The following DENND5B variants were observed in gnomAD, a reference collection of about 807,000 sequenced individuals.
The protein encoded by DENND5B is DENN domain-containing protein 5B.
In DENND5B, 34 loss-of-function variants were observed where a neutral mutation model predicts 140.6. The observed-to-expected ratio is 0.24, with a 90% confidence interval of 0.18 to 0.32. The LOEUF is 0.32. Ranked by LOEUF, DENND5B falls within the 10% of genes least tolerant of loss-of-function variation. DENND5B has a pLI of 1.00. For synonymous variants in DENND5B, 551 were observed against 562.1 expected (o/e 0.98, Z 0.28); for missense variants, 1,142 against 1,560.2 (o/e 0.73, Z 4.52).
At chr12:31,450,648 C>T (rs1944472080) in intron 5 of DENND5B, among the ~76,000 whole-genome samples, 1 of 152,146 alleles carries the variant, frequency 6.6e-6, no homozygotes, top group Admixed American at 6.6e-5. Context: ...AGCCACCATG[C>T]CCAGCCACTA....
chr12:31,514,975 T>A (rs573690594), intron 1 of DENND5B, among the ~76,000 whole-genome samples: 3 of 152,180 alleles, frequency 2.0e-5, no homozygotes, highest in East Asian at 1.9e-4. Context: ...AATTTTTTTT[T>A]AATTAGGCAT....
At chr12:31,589,919 C>G (rs1950545140) in intron 1 of DENND5B, 1 of 152,464 alleles carries the variant, frequency 6.6e-6, no homozygotes, top group Non-Finnish European at 1.5e-5. Context: ...CCCAGCACAG[C>G]CCCGCACTGC....
chr12:31,493,774 T>C (rs897021190), intron 2 of DENND5B, among the ~76,000 whole-genome samples: 3 of 152,156 alleles, frequency 2.0e-5, no homozygotes, highest in African/African-American at 7.2e-5. Flanking sequence ...GAGGTTGCAG[T>C]GAGCCAAGAT....
intron 1 of DENND5B, among the ~76,000 whole-genome samples, chr12:31,547,193 G>A (rs914611622): frequency 6.6e-6 from 1 of 152,014 alleles, no homozygotes; most frequent in African/African-American, 2.4e-5. Context: ...CATACACATT[G>A]TTAAACATAT....
chr12:31,486,279 CCT>C (rs1205536113), intron 2 of DENND5B, among the ~76,000 whole-genome samples: 2 of 152,200 alleles, frequency 1.3e-5, no homozygotes, highest in African/African-American at 4.8e-5. Flanking sequence ...CAACATTTGT[CCT>C]CTCTGGAGTA....
intron 2 of DENND5B, among the ~76,000 whole-genome samples, chr12:31,493,922 T>A (rs1419139327): frequency 6.6e-6 from 1 of 152,196 alleles, no homozygotes; most frequent in Non-Finnish European, 1.5e-5. Flanking sequence ...GTATCTTTTT[T>A]ATTTTTTTCC....
intron 3 of DENND5B, 109 bp downstream of exon 3, chr12:31,479,480 G>T: frequency 9.0e-7 from 1 of 1,110,226 alleles, no homozygotes; most frequent in Non-Finnish European, 1.2e-6. Flanking sequence ...ACACAAAACA[G>T]AAAAGACTGT....
At chr12:31,524,041 CTTTTTTTTTTTT>C (rs148193944) in intron 1 of DENND5B, among the ~76,000 whole-genome samples, 9 of 121,548 alleles carry the variant, frequency 7.4e-5, no homozygotes, top group Middle Eastern at 4.4e-3. Context: ...CTACTGAGCC[CTTTTTTTTTTTT>C]TTTTTTTTTT....
In DENND5B at chr12:31,591,021, G is replaced by T; in HGVS notation, c.-189C>A. On this transcript the variant is annotated 5_prime_UTR_variant, in exon 1 of 21. Transcript: ENST00000389082. ...CTCGGCGCGGGGGAAGCGGCCGCGG[G>T]CTCGCGCGCGGCGGGTCCGGAGCCC... The T allele has an allele frequency of 1.9e-6, 1 of 536,644 alleles. No homozygotes were observed. Among genetic ancestry groups the T allele is most frequent in the Non-Finnish European group, 2.4e-6 (1 of 418,692 alleles). The allele number at this position is 536,644 out of a possible 1,614,324, so 33.2% of individuals were successfully genotyped here.
intron 2 of DENND5B, among the ~76,000 whole-genome samples, chr12:31,487,995 G>A (rs573072198): frequency 1.4e-4 from 21 of 151,994 alleles, no homozygotes; most frequent in Admixed American, 2.6e-4. Context: ...TCACTCTGTC[G>A]CCCAGTCTGG....
chr12:31,388,616 AAAC>A (rs144705063), intron 20 of DENND5B, among the ~76,000 whole-genome samples: 3,373 of 152,246 alleles, frequency 0.022, 132 homozygotes, highest in African/African-American at 0.075. Flanking sequence ...GTTCAGGAAA[AAAC>A]AAATACTACA....
chr12:31,506,214 C>G (rs1317151120), intron 1 of DENND5B: 1 of 152,120 alleles, frequency 6.6e-6, no homozygotes, highest in Non-Finnish European at 1.5e-5. Context: ...TATCTTTCCT[C>G]TTGATTACAT....
rs1555156514 is a variant in DENND5B, at chr12:31,469,346, A to AAGAAG, written c.905-8966_905-8965insCTTCT. Reference sequence around the variant, plus strand: ...AGACTCCATCTCAAAAAAAAAAAAAAAAGAAGAAGAAGAAGAAGAAGAAAT... The same window carrying AAGAAG: ...AGACTCCATCTCAAAAAAAAAAAAAAAGAAGAAGAAGAAGAAGAAGAAGAAGAAAT... On this transcript the variant is annotated intron_variant, in intron 3 of 20. Transcript: ENST00000389082. Among the ~76,000 whole-genome samples, 9 of 130,224 alleles carry AAGAAG rather than the reference A, an allele frequency of 6.9e-5. No homozygotes were observed. The East Asian group carries it at 7.2e-4, about 10-fold the overall frequency. The allele number at this position is 130,224 out of a possible 152,430, so 85.4% of individuals were successfully genotyped here. A position where few individuals can be genotyped will look rare whatever the true frequency, so the allele number is the denominator to read the frequency against.
At chr12:31,560,575 C>T (rs1949439408) in intron 1 of DENND5B, among the ~76,000 whole-genome samples, 1 of 152,164 alleles carries the variant, frequency 6.6e-6, no homozygotes, top group Non-Finnish European at 1.5e-5. Context: ...ATACAGCTAG[C>T]TGCCAGGATG....
chr12:31,403,050 A>G (rs1402300490), intron 14 of DENND5B, among the ~76,000 whole-genome samples: 1 of 152,204 alleles, frequency 6.6e-6, no homozygotes, highest in Non-Finnish European at 1.5e-5. Context: ...GATTACTGAT[A>G]TGGTTTTATA....
At chr12:31,434,427 T>C (rs1455341831) in intron 7 of DENND5B, among the ~76,000 whole-genome samples, 1 of 152,206 alleles carries the variant, frequency 6.6e-6, no homozygotes, top group Non-Finnish European at 1.5e-5. Context: ...GCGTTCAAGG[T>C]GGTATGGCCG....
intron 15 of DENND5B, 29 bp downstream of exon 15, chr12:31,402,469 C>T (rs750738942): frequency 2.8e-5 from 45 of 1,595,662 alleles, no homozygotes; most frequent in Non-Finnish European, 3.8e-5. Flanking sequence ...GTGATACATT[C>T]TTCTAGGAAA....
intron 1 of DENND5B, among the ~76,000 whole-genome samples, chr12:31,565,388 A>G (rs1034407800): frequency 3.9e-5 from 6 of 152,174 alleles, no homozygotes; most frequent in Non-Finnish European, 7.3e-5. Flanking sequence ...GAGTAAATCT[A>G]TTGAGTCCTT....
At chr12:31,499,283 G>T (rs1403583292) in intron 1 of DENND5B, among the ~76,000 whole-genome samples, 1 of 152,150 alleles carries the variant, frequency 6.6e-6, no homozygotes, top group African/African-American at 2.4e-5. Flanking sequence ...TTGTACGACT[G>T]CTACAACTAC....
Sources: gnomAD v4.1 joint callset for allele counts (sites outside exome capture counted in the v4.1 genomes callset) on GRCh38, gnomAD v4.1.1 for gene constraint, MANE v1.5 for transcripts, NCBI Gene and HGNC (gene_info 2026-07-23, HGNC 2026-07-21) for gene names.